Variants in SHTN1 observed in about 807,000 individuals in gnomAD.
SHTN1 encodes shootin-1.
Under a neutral mutation model 83.1 loss-of-function variants are expected in SHTN1, and 42 were observed. The observed-to-expected ratio is 0.51, with a 90% CI of 0.39 to 0.65. SHTN1 has a LOEUF of 0.65. SHTN1 is among the 30% of genes least tolerant of loss of function. The pLI, the probability that SHTN1 is intolerant of heterozygous loss-of-function variation, is 0.00. For missense variants in SHTN1, 622 were observed against 737.8 expected, an observed-to-expected ratio of 0.84 and a Z score of 1.82; for synonymous variants, 224 against 247.7, an observed-to-expected ratio of 0.90 and a Z score of 0.90.
At chr10:116,911,376 G>A in intron 14 of SHTN1, 1 of 1,305,406 alleles carries the variant, frequency 7.7e-7, no homozygotes, top group Non-Finnish European at 1.0e-6. Flanking sequence ...CTGATATGAA[G>A]CTATTTGGGG....
chr10:116,935,714 T>G lies in SHTN1; in HGVS notation c.858+4752A>C, dbSNP rs900315570. ...TAGGGAGGAGTCCCTCTTTTTCTATTGCTTGGAATAGTTTCAGAAGGAATG... is the reference window on the plus strand; with the variant it reads ...TAGGGAGGAGTCCCTCTTTTTCTATGGCTTGGAATAGTTTCAGAAGGAATG... On this transcript the variant is annotated intron_variant, in intron 9 of 16. Coordinates refer to ENST00000355371, the MANE Select transcript of SHTN1 (RefSeq NM_001127211.3). Among the ~76,000 whole-genome samples, 162 of 152,214 alleles carry G rather than the reference T, an allele frequency of 1.1e-3. 3 individuals are homozygous for G. Among genetic ancestry groups the G allele is most frequent in the Non-Finnish European group, 1.3e-3 (86 of 68,038 alleles).
chr10:116,898,876 A>T (rs1461836507), intron 16 of SHTN1, among the ~76,000 whole-genome samples: 2 of 152,250 alleles, frequency 1.3e-5, no homozygotes, highest in African/African-American at 2.4e-5. Flanking sequence ...CTAGGAAATA[A>T]ATCAGTATAT....
At chr10:117,112,996 TTCTTA>T (rs1396901626) in intron 1 of SHTN1, among the ~76,000 whole-genome samples, 2 of 152,230 alleles carry the variant, frequency 1.3e-5, no homozygotes, top group Non-Finnish European at 2.9e-5. Flanking sequence ...AGGTGACTGT[TTCTTA>T]TAAGTGTCAT....
At chr10:117,109,016 T>C (rs987814605) in intron 1 of SHTN1, among the ~76,000 whole-genome samples, 31 of 152,208 alleles carry the variant, frequency 2.0e-4, no homozygotes, top group African/African-American at 2.4e-5. Flanking sequence ...AAGACACTAG[T>C]GGTGGGCCGC....
intron 1 of SHTN1, among the ~76,000 whole-genome samples, chr10:116,986,587 AAAG>A (rs1851224766): frequency 1.3e-5 from 2 of 152,090 alleles, no homozygotes; most frequent in South Asian, 4.2e-4. Flanking sequence ...GTGGCATAGA[AAAG>A]TAGCCACTGT....
At chr10:117,058,215 C>A (rs1391260227) in intron 1 of SHTN1, among the ~76,000 whole-genome samples, 1 of 152,076 alleles carries the variant, frequency 6.6e-6, no homozygotes, top group Non-Finnish European at 1.5e-5. Flanking sequence ...CATCAAAAGA[C>A]ACTATCAACA....
At chr10:117,072,932 G>A (rs1162868319) in intron 1 of SHTN1, among the ~76,000 whole-genome samples, 1 of 152,134 alleles carries the variant, frequency 6.6e-6, no homozygotes, top group African/African-American at 2.4e-5. Flanking sequence ...CCAGAGAAAG[G>A]CAAAGCCCAA....
At position 117,111,309 on chromosome 10, in the gene SHTN1, T is replaced by A. The variant is rs12769395; in HGVS notation, c.-189+14998A>T. Among the ~76,000 whole-genome samples, 540 of 152,026 alleles carry A rather than the reference T, an allele frequency of 3.6e-3. 5 individuals carry two copies. The highest frequency in any genetic ancestry group is 6.8e-3 in the Middle Eastern group (2 of 294). On this transcript the variant is annotated intron_variant, in intron 1 of 17. Transcript: ENST00000392901. ...GTGCATTTCTTTCTTTCTTTCTTTC[T>A]TTGAGATGGAGTCTCGTTCTGTTGC...
intron 2 of SHTN1, among the ~76,000 whole-genome samples, chr10:116,972,408 AC>A (rs1456671241): frequency 2.0e-5 from 3 of 152,204 alleles, no homozygotes; most frequent in African/African-American, 7.2e-5. Flanking sequence ...CTTATTCTGA[AC>A]CAGAACTGAG....
At chr10:116,988,595 C>G (rs1038032887) in intron 1 of SHTN1, among the ~76,000 whole-genome samples, 1 of 151,552 alleles carries the variant, frequency 6.6e-6, no homozygotes, top group African/African-American at 2.4e-5. Flanking sequence ...GTCACCCAGG[C>G]TGGAGTGGAG....
At position 117,005,102 on chromosome 10, in the gene SHTN1, A is replaced by T; in HGVS notation, c.-23T>A. 6.3e-7 allele frequency: 1 copy of T among 1,584,266 alleles called. No individual in the cohort carries two copies. The highest frequency in any genetic ancestry group is 1.7e-4 in the Middle Eastern group (1 of 6,012). Reference sequence around the variant, plus strand: ...CATTTTGGCGGGTGGGGCCGGGAATAAAAGGGAAAGAGGGAGCGGCGCGGG... The same window carrying T: ...CATTTTGGCGGGTGGGGCCGGGAATTAAAGGGAAAGAGGGAGCGGCGCGGG... On this transcript the variant is annotated 5_prime_UTR_variant, in exon 1 of 17. Coordinates refer to ENST00000355371, the MANE Select transcript of SHTN1 (RefSeq NM_001127211.3).
chr10:117,100,126 G>A (rs995290576), intron 1 of SHTN1, among the ~76,000 whole-genome samples: 3 of 152,070 alleles, frequency 2.0e-5, no homozygotes, highest in African/African-American at 7.2e-5. Flanking sequence ...GCGGTGAGCC[G>A]AGATAGCGCC....
intron 1 of SHTN1, 63 bp from the exon 2 acceptor site, chr10:116,979,371 G>A (rs1850933307): frequency 6.9e-6 from 9 of 1,308,384 alleles, no homozygotes; most frequent in Non-Finnish European, 8.8e-6. Flanking sequence ...GGCAACCTGG[G>A]GAATCCAACT....
At chr10:117,098,832 C>T (rs144716696) in intron 1 of SHTN1, among the ~76,000 whole-genome samples, 7 of 152,138 alleles carry the variant, frequency 4.6e-5, no homozygotes, top group African/African-American at 7.2e-5. Flanking sequence ...TGTTCCATCA[C>T]GCAAGCCAAA....
chr10:117,057,411 G>T (rs1266109927), intron 1 of SHTN1, among the ~76,000 whole-genome samples: 1 of 152,090 alleles, frequency 6.6e-6, no homozygotes, highest in East Asian at 1.9e-4. Context: ...TGGAGAGCTG[G>T]GTTGTAATCA....
chr10:116,886,607 G>C lies in SHTN1; in HGVS notation c.1674-41C>G, dbSNP rs1268017790. 3.7e-6 allele frequency: 6 copies of C among 1,609,568 alleles called. No individual in the cohort carries two copies. In the South Asian group the frequency reaches 6.6e-5, roughly 18 times the overall value. ...TTAGACAAAAAAAGTAAAAAGCAGA[G>C]AGAGAAAATAGTTGTCTCTGATATT... is the stretch of plus-strand genomic sequence containing the variant. On this transcript the variant is annotated intron_variant, in intron 16 of 16. Transcript: ENST00000355371.
intron 2 of SHTN1, among the ~76,000 whole-genome samples, chr10:117,024,355 T>C (rs924672785): frequency 1.4e-5 from 2 of 141,722 alleles, no homozygotes; most frequent in African/African-American, 2.6e-5. Flanking sequence ...TTTCTTTTTT[T>C]TTTTTTTTTT....
chr10:117,062,454 G>A (rs1852916961), intron 1 of SHTN1, among the ~76,000 whole-genome samples: 1 of 152,054 alleles, frequency 6.6e-6, no homozygotes, highest in Non-Finnish European at 1.5e-5. Flanking sequence ...TCTTATTGAG[G>A]AGCTCCTCCT....
At chr10:116,917,427 C>T (rs1848417574) in intron 12 of SHTN1, among the ~76,000 whole-genome samples, 1 of 152,164 alleles carries the variant, frequency 6.6e-6, no homozygotes, top group South Asian at 2.1e-4. Context: ...GCCTCAGCCT[C>T]TCGAGTAGCT....
Sources: gnomAD v4.1 joint callset for allele counts (sites outside exome capture counted in the v4.1 genomes callset) on GRCh38, gnomAD v4.1.1 for gene constraint, MANE v1.5 for transcripts, NCBI Gene and HGNC (gene_info 2026-07-23, HGNC 2026-07-21) for gene names.